BRI3: variants seen among roughly 807,000 people sequenced by gnomAD.
BRI3 encodes membrane protein BRI3.
In BRI3, 6 loss-of-function variants were observed where a neutral mutation model predicts 12.8. The ratio of observed to expected loss-of-function variants is 0.47; its 90% CI spans 0.26 to 0.93. The LOEUF (loss-of-function observed/expected upper bound fraction) is 0.93, where lower values mean the gene tolerates loss of function less well. Among genes scored for constraint, BRI3 ranks in the 40% least tolerant of loss-of-function variants. The probability of loss-of-function intolerance (pLI) is 0.15; values close to 1 mark genes in which losing one functional copy is unlikely to be tolerated. For missense variants in BRI3, 134 were observed against 171.1 expected (o/e 0.78, Z 1.21); for synonymous variants, 91 against 76.1 (o/e 1.20, Z -1.02).
chr7:98,292,699 C>T (rs375159777), downstream of BRI3: 47 of 1,551,536 alleles, frequency 3.0e-5, no homozygotes, highest in African/African-American at 4.1e-5. Flanking sequence ...GATTCAAACA[C>T]GGAGAAACCA....
At chr7:98,305,854 A>G (rs1800636915), upstream of BRI3, among the ~76,000 whole-genome samples, 1 of 152,112 alleles carries the variant, frequency 6.6e-6, no homozygotes, top group Non-Finnish European at 1.5e-5. Flanking sequence ...TGGAATACGG[A>G]TTTGGGGGTT....
At chr7:98,289,524 T>C (rs1472991010) in intron 2 of BRI3, among the ~76,000 whole-genome samples, 1 of 152,220 alleles carries the variant, frequency 6.6e-6, no homozygotes, top group African/African-American at 2.4e-5. Context: ...TGCTTCCCTG[T>C]CGCAGGCAGG....
At chr7:98,308,125 G>A (rs1365724010) in exon 2 of BRI3, 9 of 659,416 alleles carry the variant, frequency 1.4e-5, no homozygotes, top group Middle Eastern at 2.4e-4. Flanking sequence ...TGCAGAAGAG[G>A]ATCCCTGCGG....
At chr7:98,321,348 T>C in the BRI3 span, among the ~76,000 whole-genome samples, 6 of 152,224 alleles carry the variant, frequency 3.9e-5, no homozygotes, top group Non-Finnish European at 2.9e-5. Flanking sequence ...ATAAAGGCTA[T>C]TTCTTTTTTC....
chr7:98,304,441 C>A, upstream of BRI3: 5 of 1,538,824 alleles, frequency 3.2e-6, no homozygotes, highest in Non-Finnish European at 4.4e-6. Context: ...CAAACATCCT[C>A]TGTGTCCCTG....
chr7:98,312,349 A>G, downstream of BRI3: 5 of 1,417,728 alleles, frequency 3.5e-6, no homozygotes, highest in Non-Finnish European at 4.7e-6. Flanking sequence ...ATCGCTGATA[A>G]CAGATTACTG....
chr7:98,291,125 A>G lies in BRI3; in HGVS notation c.260A>G (p.Glu87Gly). Residue 87 changes from glutamate to glycine, a missense_variant, in exon 3 of 3, where the codon GAG becomes GGG. Physicochemically the swap from Glu to Gly is moderately conservative, Grantham distance 98. Transcript: ENST00000297290. ...GCPVCRVGVL[E>G]DCFTFLGIFL... is the part of the protein sequence containing the mutation. ...CTCTGCTGCAGGGTTGGGGTGCTGG[A>G]GGACTGCTTCACCTTCCTGGGCATC... 6.2e-7 allele frequency: 1 copy of G among 1,614,140 alleles called. No homozygotes were observed. The highest frequency in any genetic ancestry group is 8.5e-7 in the Non-Finnish European group (1 of 1,180,036).
At chr7:98,320,733 C>T in the BRI3 span, among the ~76,000 whole-genome samples, 6 of 152,200 alleles carry the variant, frequency 3.9e-5, no homozygotes, top group Non-Finnish European at 8.8e-5. Context: ...CCCTGAGACA[C>T]ATCAGGAGCA....
downstream of BRI3, among the ~76,000 whole-genome samples, chr7:98,296,465 A>C (rs1209285728): frequency 6.6e-6 from 1 of 152,072 alleles, no homozygotes; most frequent in Non-Finnish European, 1.5e-5. Context: ...GTCTCTACTA[A>C]AAATACAAAA....
chr7:98,300,307 G>A (rs1800368465), intron 1 of BRI3, among the ~76,000 whole-genome samples: 1 of 152,210 alleles, frequency 6.6e-6, no homozygotes, highest in African/African-American at 2.4e-5. Flanking sequence ...CAATGCGTCT[G>A]TAGGCTGTTT....
chr7:98,281,911 C>T lies in BRI3; in HGVS notation c.116C>T (p.Pro39Leu), dbSNP rs1189002261. ...GGCGCCATCCCCGCCGCGCCCCCGC[C>T]GCCGCCCTACCCCTACCTCGTCACA... ...GYGAIPAAPPPPPYPYLVTGI... is the reference protein window; with the variant it reads ...GYGAIPAAPPLPPYPYLVTGI... Residue 39 changes from proline to leucine, a missense_variant, in exon 1 of 3, where the codon CCG becomes CTG. Transcript: ENST00000297290. The T allele has an allele frequency of 1.1e-5, 14 of 1,297,768 alleles. No individual in the cohort carries two copies. The highest frequency in any genetic ancestry group is 1.1e-5 in the Non-Finnish European group (11 of 1,023,358). The allele number at this position is 1,297,768 out of a possible 1,614,324, so 80.4% of individuals were successfully genotyped here.
intron 2 of BRI3, among the ~76,000 whole-genome samples, chr7:98,283,249 A>C (rs1263795581): frequency 6.6e-6 from 1 of 152,060 alleles, no homozygotes; most frequent in East Asian, 1.9e-4. Context: ...AGTTGAAGCC[A>C]CTGAGATGGA....
downstream of BRI3, chr7:98,292,647 G>A (rs1286728688): frequency 1.3e-6 from 2 of 1,551,668 alleles, no homozygotes; most frequent in South Asian, 2.4e-5. Context: ...AGGCACCAGA[G>A]GTCATCCTGG....
At chr7:98,293,428 A>C, downstream of BRI3, 2 of 1,204,974 alleles carry the variant, frequency 1.7e-6, no homozygotes, top group East Asian at 2.3e-5. Context: ...TCTCCACTGA[A>C]GCTTCCCGAC....
At chr7:98,312,671 C>T (rs939714812), downstream of BRI3, among the ~76,000 whole-genome samples, 6 of 152,188 alleles carry the variant, frequency 3.9e-5, no homozygotes, top group African/African-American at 9.6e-5. Flanking sequence ...ACACAGGCCA[C>T]GGGCCCCGTA....
chr7:98,311,546 CAAAAAAAATA>C (rs764549105), downstream of BRI3, among the ~76,000 whole-genome samples: 1 of 147,926 alleles, frequency 6.8e-6, no homozygotes, highest in Non-Finnish European at 1.5e-5. Flanking sequence ...GTCTCAAAAA[CAAAAAAAATA>C]AAAAAAAAAC....
At chr7:98,290,501 C>A (rs1213730665) in intron 2 of BRI3, among the ~76,000 whole-genome samples, 6 of 147,824 alleles carry the variant, frequency 4.1e-5, no homozygotes, top group Non-Finnish European at 7.5e-5. Context: ...GGCCATCTCT[C>A]AAGGTTTTAC....
exon 2 of BRI3, chr7:98,307,678 C>T (rs553212732): frequency 1.9e-6 from 3 of 1,613,440 alleles, no homozygotes; most frequent in African/African-American, 1.3e-5. Flanking sequence ...GACCATCACG[C>T]CCAGACTTAC....
At chr7:98,293,933 G>T (rs1342159236), downstream of BRI3, 8 of 981,938 alleles carry the variant, frequency 8.1e-6, no homozygotes, top group Non-Finnish European at 1.2e-5. Context: ...GCGAGCAGGG[G>T]GCTGCACTCC....
Sources: gnomAD v4.1 joint callset for allele counts (sites outside exome capture counted in the v4.1 genomes callset) on GRCh38, gnomAD v4.1.1 for gene constraint, MANE v1.5 for transcripts, NCBI Gene and HGNC (gene_info 2026-07-23, HGNC 2026-07-21) for gene names.